Variants in SEMA6D observed in about 807,000 individuals in gnomAD.
SEMA6D encodes semaphorin 6D.
SEMA6D carries 35 observed loss-of-function variants against 106.6 expected under a neutral mutation model. The ratio of observed to expected loss-of-function variants is 0.33; its 90% CI spans 0.25 to 0.44. The LOEUF (loss-of-function observed/expected upper bound fraction) is 0.44, where lower values mean the gene tolerates loss of function less well. SEMA6D is among the 20% of genes least tolerant of loss of function. The pLI, the probability that SEMA6D is intolerant of heterozygous loss-of-function variation, is 1.00. For missense variants in SEMA6D, 1,185 were observed against 1,345.9 expected (o/e 0.88, Z 1.87); for synonymous variants, 499 against 487.7 (o/e 1.02, Z -0.31).
chr15:47,244,570 A>C (rs575780568), intron 1 of SEMA6D, among the ~76,000 whole-genome samples: 2 of 152,178 alleles, frequency 1.3e-5, no homozygotes, highest in Non-Finnish European at 2.9e-5. Context: ...AAGTAAAGTT[A>C]CTTGTCCAGG....
At chr15:47,499,046 A>G (rs1348831079) in intron 3 of SEMA6D, among the ~76,000 whole-genome samples, 4 of 152,194 alleles carry the variant, frequency 2.6e-5, no homozygotes, top group African/African-American at 7.2e-5. Flanking sequence ...CTTTTTGTGC[A>G]CTTGCTGTGC....
chr15:47,615,106 G>A (rs1048408650), intron 4 of SEMA6D, among the ~76,000 whole-genome samples: 28 of 152,086 alleles, frequency 1.8e-4, no homozygotes, highest in Admixed American at 1.6e-3. Context: ...ACCTAATAAA[G>A]TTGACCTTCC....
chr15:47,770,393 A>G (rs1358746111), intron 18 of SEMA6D, 104 bp from the exon 19 acceptor site: 4 of 942,200 alleles, frequency 4.2e-6, no homozygotes, highest in East Asian at 2.5e-5. Context: ...CGAGCTAAGC[A>G]TATGAACCAT....
At chr15:47,651,702 C>T (rs1380656949) in intron 4 of SEMA6D, among the ~76,000 whole-genome samples, 1 of 152,244 alleles carries the variant, frequency 6.6e-6, no homozygotes, top group Non-Finnish European at 1.5e-5. Flanking sequence ...ATTCATGTCC[C>T]ACTCTAGATT....
At chr15:47,202,307 G>A (rs542736373) in intron 1 of SEMA6D, among the ~76,000 whole-genome samples, 4 of 152,132 alleles carry the variant, frequency 2.6e-5, no homozygotes, top group East Asian at 1.9e-4. Context: ...CAACTGAAAC[G>A]GGTGATCAAC....
At chr15:47,435,764 A>G (rs2041681325) in intron 2 of SEMA6D, among the ~76,000 whole-genome samples, 1 of 152,132 alleles carries the variant, frequency 6.6e-6, no homozygotes, top group Non-Finnish European at 1.5e-5. Flanking sequence ...TTAAAGAAAA[A>G]TCATGTTTTG....
Position 47,766,118 on chromosome 15 carries a change from T to A in SEMA6D, c.1582T>A (p.Ser528Thr), listed in dbSNP as rs2082323995. ...GGTTTTACACAGGTCTTGTATTGCA[T>A]CTCGTGACCCGTATTGTGGCTGGTT... Reference protein sequence around the residue: ...YGSCKKSCIASRDPYCGWLSQ... With the variant: ...YGSCKKSCIATRDPYCGWLSQ... Residue 528 changes from serine to threonine, a missense_variant, in exon 15 of 19, where the codon TCT (serine) becomes ACT (threonine). By Grantham distance (58) the Ser-to-Thr change is moderately conservative. Around this residue, in one of 3 missense-constraint regions of SEMA6D, gnomAD observed 750 missense variants for 783.5 expected, o/e 0.96. Coordinates refer to ENST00000536845, the MANE Select transcript of SEMA6D (RefSeq NM_001358351.3). 2 of 1,613,732 alleles carry A rather than the reference T, an allele frequency of 1.2e-6. No homozygotes were observed. Among genetic ancestry groups the A allele is most frequent in the East Asian group, 2.2e-5 (1 of 44,848 alleles).
At chr15:47,766,362 G>A (rs1161469946) in intron 15 of SEMA6D, among the ~76,000 whole-genome samples, 180 bp downstream of exon 15, 1 of 151,900 alleles carries the variant, frequency 6.6e-6, no homozygotes, top group Non-Finnish European at 1.5e-5. Flanking sequence ...TAAGGGAAAT[G>A]GTAGACCTAA....
intron 4 of SEMA6D, among the ~76,000 whole-genome samples, chr15:47,629,729 A>G (rs1031765982): frequency 5.3e-5 from 8 of 151,826 alleles, no homozygotes; most frequent in African/African-American, 1.9e-4. Context: ...AATCTCTGGT[A>G]TCTATTATTC....
intron 1 of SEMA6D, among the ~76,000 whole-genome samples, chr15:47,264,983 A>G (rs1360039489): frequency 2.6e-5 from 4 of 152,096 alleles, no homozygotes; most frequent in Non-Finnish European, 5.9e-5. Flanking sequence ...ATGATACACA[A>G]TTCTTTAATA....
chr15:47,546,817 A>G (rs1038356475), intron 3 of SEMA6D, among the ~76,000 whole-genome samples: 1 of 151,984 alleles, frequency 6.6e-6, no homozygotes, highest in Non-Finnish European at 1.5e-5. Flanking sequence ...CAGTAAGATG[A>G]CCAGGGGCAT....
intron 3 of SEMA6D, among the ~76,000 whole-genome samples, chr15:47,474,049 A>G (rs2042933499): frequency 6.6e-6 from 1 of 152,140 alleles, no homozygotes; most frequent in African/African-American, 2.4e-5. Flanking sequence ...AGGAAGAAAA[A>G]AGGAGAAGGA....
intron 1 of SEMA6D, among the ~76,000 whole-genome samples, chr15:47,204,082 G>A (rs764489669): frequency 5.3e-5 from 8 of 152,180 alleles, no homozygotes; most frequent in Non-Finnish European, 8.8e-5. Flanking sequence ...AGAAGGAAGA[G>A]TCGAATTATT....
At chr15:47,599,346 T>C (rs1053761522) in intron 3 of SEMA6D, among the ~76,000 whole-genome samples, 1 of 152,032 alleles carries the variant, frequency 6.6e-6, no homozygotes, top group African/African-American at 2.4e-5. Flanking sequence ...ACCCCTTGTC[T>C]TGTCTGAAAG....
intron 1 of SEMA6D, among the ~76,000 whole-genome samples, chr15:47,733,097 T>G (rs1243692633): frequency 6.6e-6 from 1 of 152,218 alleles, no homozygotes; most frequent in East Asian, 1.9e-4. Flanking sequence ...AAAAGCTCAT[T>G]AACCCTTAAA....
intron 1 of SEMA6D, among the ~76,000 whole-genome samples, chr15:47,262,340 G>A (rs1304037919): frequency 2.6e-5 from 4 of 152,040 alleles, no homozygotes; most frequent in Admixed American, 2.0e-4. Flanking sequence ...AGAAATACTC[G>A]AGATTGAGCA....
At chr15:47,193,746 T>G (rs1160796496) in intron 1 of SEMA6D, among the ~76,000 whole-genome samples, 4 of 152,160 alleles carry the variant, frequency 2.6e-5, no homozygotes, top group African/African-American at 9.7e-5. Flanking sequence ...TTATTGACTC[T>G]TCATAGCTTC....
chr15:47,263,493 T>C (rs76576584), intron 1 of SEMA6D, among the ~76,000 whole-genome samples: 1 of 151,986 alleles, frequency 6.6e-6, no homozygotes, highest in Admixed American at 6.6e-5. Flanking sequence ...AAAACCACAA[T>C]GAGACACCAT....
chr15:47,764,830 G>A (rs765370231), intron 12 of SEMA6D, 37 bp downstream of exon 12: 52 of 1,613,292 alleles, frequency 3.2e-5, no homozygotes, highest in South Asian at 3.0e-4. Context: ...CCTATTCAAC[G>A]TTTTCTCTGC....
Sources: allele counts gnomAD v4.1 joint callset (sites outside exome capture counted in the v4.1 genomes callset), GRCh38; gene constraint gnomAD v4.1.1; regional missense constraint gnomAD v4.1.1; transcripts MANE v1.5; gene names NCBI Gene and HGNC (gene_info 2026-07-23, HGNC 2026-07-21).